The following TNFRSF19 variants were observed in gnomAD, a reference collection of about 807,000 sequenced individuals.
The protein encoded by TNFRSF19 is TNF receptor superfamily member 19, also known as tumor necrosis factor receptor superfamily member 19.
Under a neutral mutation model 46.4 loss-of-function variants are expected in TNFRSF19, and 27 were observed. The observed-to-expected ratio is 0.58, with a 90% CI of 0.43 to 0.80. The LOEUF (loss-of-function observed/expected upper bound fraction) is 0.80. Ranked by LOEUF, TNFRSF19 falls within the 30% of genes least tolerant of loss-of-function variation. The probability of loss-of-function intolerance (pLI) is 0.00; values close to 1 mark genes in which losing one functional copy is unlikely to be tolerated. For missense variants in TNFRSF19, 511 were observed against 530.8 expected (o/e 0.96, Z 0.37); for synonymous variants, 204 against 205.0 (o/e 1.00, Z 0.04).
intron 4 of TNFRSF19, among the ~76,000 whole-genome samples, chr13:23,616,884 T>C (rs1213045433): frequency 6.6e-5 from 10 of 152,144 alleles, no homozygotes; most frequent in Non-Finnish European, 1.5e-4. Flanking sequence ...CGGCTTCTTA[T>C]AGGGTTTTAA....
chr13:23,573,554 A>G (rs1877763576), intron 1 of TNFRSF19, among the ~76,000 whole-genome samples: 1 of 152,170 alleles, frequency 6.6e-6, no homozygotes, highest in Non-Finnish European at 1.5e-5. Context: ...AGGAATTGAT[A>G]TTTTCTTAGA....
rs528570801 is a variant in TNFRSF19, at chr13:23,589,977, T to G, written c.-34-173T>G. Among the ~76,000 whole-genome samples the G allele has an allele frequency of 5.3e-5, 8 of 152,300 alleles. No homozygotes were observed. In the East Asian group the frequency reaches 1.5e-3, roughly 29 times the overall value. On this transcript the variant is annotated intron_variant, in intron 1 of 9. Coordinates refer to ENST00000248484, the MANE Select transcript of TNFRSF19 (RefSeq NM_148957.4). ...GAGCTTCAATTCTCATAATATGAGT[T>G]ATAAAATAATTATATATTATTTGTC...
intron 2 of TNFRSF19, among the ~76,000 whole-genome samples, chr13:23,592,964 T>A (rs1331044938): frequency 6.7e-6 from 1 of 149,076 alleles, no homozygotes; most frequent in African/African-American, 2.5e-5. Flanking sequence ...CCTTGGGTCA[T>A]ATATCAAAGA....
At chr13:23,577,047 T>G (rs145982725) in intron 1 of TNFRSF19, among the ~76,000 whole-genome samples, 1 of 152,358 alleles carries the variant, frequency 6.6e-6, no homozygotes, top group Non-Finnish European at 1.5e-5. Context: ...TTTAAATACC[T>G]TATCTATTAA....
chr13:23,617,508 A>G (rs1881384474), intron 4 of TNFRSF19, among the ~76,000 whole-genome samples: 1 of 152,194 alleles, frequency 6.6e-6, no homozygotes, highest in South Asian at 2.1e-4. Flanking sequence ...AGCCATTGCT[A>G]CACCAAGTAT....
intron 5 of TNFRSF19, among the ~76,000 whole-genome samples, chr13:23,646,025 A>C (rs1359539600): frequency 6.6e-6 from 1 of 152,152 alleles, no homozygotes; most frequent in Non-Finnish European, 1.5e-5. Flanking sequence ...ACAATCCATC[A>C]GTGTATCCAA....
intron 5 of TNFRSF19, among the ~76,000 whole-genome samples, chr13:23,646,107 C>G (rs973729424): frequency 2.0e-5 from 3 of 152,148 alleles, no homozygotes; most frequent in Non-Finnish European, 4.4e-5. Flanking sequence ...TTAACCCAAG[C>G]CATCACCATC....
chr13:23,644,677 T>C (rs17079111), intron 5 of TNFRSF19, among the ~76,000 whole-genome samples: 3,235 of 152,288 alleles, frequency 0.021, 112 homozygotes, highest in African/African-American at 0.073. Context: ...TCAGAGCATA[T>C]TTGAGGACTG....
intron 5 of TNFRSF19, among the ~76,000 whole-genome samples, chr13:23,650,605 G>T (rs1883573280): frequency 6.6e-6 from 1 of 152,200 alleles, no homozygotes; most frequent in Admixed American, 6.5e-5. Context: ...GGGAAAGGGA[G>T]TGACCACTTA....
chr13:23,660,344 G>T (rs763220124), intron 6 of TNFRSF19, 21 bp from the exon 7 acceptor site: 1 of 1,607,628 alleles, frequency 6.2e-7, no homozygotes, highest in Non-Finnish European at 8.5e-7. Flanking sequence ...TTCCCTGACA[G>T]AGTTCTCACC....
Position 23,615,934 on chromosome 13 carries a change from A to G in TNFRSF19, c.248A>G (p.Asp83Gly). ...TGCCGGCTGCACAGGTTCAAGGAGG[A>G]CTGGGGCTTCCAGAAATGCAAGCCC... ...VTCRLHRFKE[D>G]WGFQKCKPCL... The change falls in exon 4 of 10, where the codon GAC becomes GGC. Residue 83 changes from aspartate to glycine, a missense_variant. Asp to Gly is a moderately conservative substitution (Grantham distance 94, BLOSUM62 -1). This residue lies in a region of TNFRSF19 where 121 missense variants were observed against 124.1 expected (regional missense o/e 0.98). Transcript: ENST00000248484. 6.2e-7 allele frequency: 1 copy of G among 1,613,994 alleles called. No individual in the cohort carries two copies. The highest frequency in any genetic ancestry group is 8.5e-7 in the Non-Finnish European group (1 of 1,179,920).
intron 4 of TNFRSF19, among the ~76,000 whole-genome samples, chr13:23,622,069 T>C (rs1881701095): frequency 6.6e-6 from 1 of 152,160 alleles, no homozygotes; most frequent in Non-Finnish European, 1.5e-5. Context: ...CCACTCACCC[T>C]CCTTTCTAAA....
intron 9 of TNFRSF19, 184 bp downstream of exon 9, chr13:23,669,281 C>A (rs909892844): frequency 1.4e-6 from 2 of 1,409,610 alleles, no homozygotes; most frequent in Non-Finnish European, 1.8e-6. Flanking sequence ...ACTAACACAG[C>A]TAATATATAA....
chr13:23,594,101 A>G, intron 3 of TNFRSF19: 1 of 337,740 alleles, frequency 3.0e-6, no homozygotes, highest in Admixed American at 3.6e-5. Context: ...TTGTCTGTGC[A>G]ACCCACAGAC....
chr13:23,642,629 A>G (rs1251805933), intron 5 of TNFRSF19, among the ~76,000 whole-genome samples: 2 of 152,232 alleles, frequency 1.3e-5, no homozygotes, highest in Non-Finnish European at 2.9e-5. Flanking sequence ...TAAAGCCAAG[A>G]AAGAGGGAAG....
intron 5 of TNFRSF19, among the ~76,000 whole-genome samples, chr13:23,637,307 TG>T (rs749507596): frequency 3.3e-5 from 5 of 152,256 alleles, no homozygotes; most frequent in Non-Finnish European, 7.3e-5. Context: ...TAGGCTTCGC[TG>T]TGAAGAAGGC....
intron 5 of TNFRSF19, among the ~76,000 whole-genome samples, chr13:23,639,254 A>G (rs950185867): frequency 1.3e-5 from 2 of 152,090 alleles, no homozygotes; most frequent in African/African-American, 4.8e-5. Flanking sequence ...TTAGCTAGAC[A>G]TAGTGGTGTG....
intron 7 of TNFRSF19, among the ~76,000 whole-genome samples, 185 bp from the exon 8 acceptor site, chr13:23,667,795 G>A (rs113333748): frequency 2.6e-5 from 4 of 151,280 alleles, no homozygotes; most frequent in Non-Finnish European, 2.9e-5. Flanking sequence ...GTCTACTCTC[G>A]GTACCTTATA....
chr13:23,580,741 G>T (rs975753141), intron 1 of TNFRSF19, among the ~76,000 whole-genome samples: 2 of 152,228 alleles, frequency 1.3e-5, no homozygotes, highest in African/African-American at 4.8e-5. Context: ...AAGCTTCTTT[G>T]CATAACACTT....
Sources: allele counts gnomAD v4.1 joint callset (sites outside exome capture counted in the v4.1 genomes callset), GRCh38; gene constraint gnomAD v4.1.1; regional missense constraint gnomAD v4.1.1; transcripts MANE v1.5; gene names NCBI Gene and HGNC (gene_info 2026-07-23, HGNC 2026-07-21).